Variants in EPAS1 observed in about 807,000 individuals in gnomAD.
EPAS1 encodes the protein endothelial PAS domain-containing protein 1.
EPAS1 carries 23 observed loss-of-function variants against 87.9 expected under a neutral mutation model. The observed-to-expected ratio is 0.26, with a 90% CI of 0.19 to 0.37. EPAS1 has a LOEUF of 0.37. EPAS1 is among the 10% of genes least tolerant of loss of function. The pLI, the probability that EPAS1 is intolerant of heterozygous loss-of-function variation, is 1.00. For missense variants in EPAS1, 1,138 were observed against 1,120.7 expected, an observed-to-expected ratio of 1.02 and a Z score of -0.22; for synonymous variants, 508 against 444.3, an observed-to-expected ratio of 1.14 and a Z score of -1.80.
At chr2:46,351,568 C>T (rs1040883951) in intron 2 of EPAS1, among the ~76,000 whole-genome samples, 3 of 151,946 alleles carry the variant, frequency 2.0e-5, no homozygotes, top group Non-Finnish European at 2.9e-5. Flanking sequence ...TCCGGGAGGG[C>T]GGGGTTTGAG....
chr2:46,297,934 A>G lies in EPAS1; in HGVS notation c.23A>G (p.Lys8Arg), dbSNP rs1242120796. Residue 8 changes from lysine (K) to arginine (R), a missense_variant, in exon 1 of 16, where the codon AAA becomes AGA. Physicochemically the swap from Lys to Arg is conservative, Grantham distance 26. Coordinates refer to ENST00000263734, the MANE Select transcript of EPAS1 (RefSeq NM_001430.5). MTADKEK[K>R]RSSSERRKEK... ...ACAATGACAGCTGACAAGGAGAAGA[A>G]AAGGTAAGCGGGCGTCCGGGCCGAT... The G allele has an allele frequency of 1.2e-6, 2 of 1,612,360 alleles. No homozygotes were observed. Among genetic ancestry groups the G allele is most frequent in the Non-Finnish European group, 1.7e-6 (2 of 1,179,300 alleles).
At position 46,347,511 on chromosome 2, in the gene EPAS1, C is replaced by T. The variant is rs766761705; in HGVS notation, c.217+448C>T. 5.9e-5 allele frequency: 15 copies of T among 254,216 alleles called. No homozygotes were observed. Among genetic ancestry groups the T allele is most frequent in the Non-Finnish European group, 1.0e-4 (13 of 128,352 alleles). The allele number at this position is 254,216 out of a possible 1,614,324, so 15.7% of individuals were successfully genotyped here. A position where few individuals can be genotyped will look rare whatever the true frequency, so the allele number is the denominator to read the frequency against. Reference sequence around the variant, plus strand: ...TTTTCCCTCTGAGAAGCCAGTTAGGCCAAGTAAATCATTTAGTCTCTCTGA... The same window carrying T: ...TTTTCCCTCTGAGAAGCCAGTTAGGTCAAGTAAATCATTTAGTCTCTCTGA... On this transcript the variant is annotated intron_variant, in intron 2 of 15. Transcript: ENST00000263734. The surrounding 1 kb of genome is among the most constrained non-coding windows in gnomAD (Gnocchi z 4.2).
chr2:46,335,008 C>T (rs1024534493), intron 1 of EPAS1, among the ~76,000 whole-genome samples: 2 of 152,194 alleles, frequency 1.3e-5, no homozygotes, highest in Non-Finnish European at 1.5e-5. Context: ...TAAAGGAAGC[C>T]CAGGACAGAT....
At chr2:46,329,746 C>T (rs538225872) in intron 1 of EPAS1, among the ~76,000 whole-genome samples, 18 of 151,904 alleles carry the variant, frequency 1.2e-4, no homozygotes, top group Admixed American at 5.9e-4. Flanking sequence ...CGCTTGAACC[C>T]GGGAGGCGGA....
At chr2:46,336,291 C>A (rs1024872904) in intron 1 of EPAS1, among the ~76,000 whole-genome samples, 1 of 152,122 alleles carries the variant, frequency 6.6e-6, no homozygotes, top group African/African-American at 2.4e-5. Context: ...TGTGTCTGTG[C>A]CCTTCCCCTG....
Position 46,347,099 on chromosome 2 carries a change from C to T in EPAS1, c.217+36C>T. 1.2e-6 allele frequency: 2 copies of T among 1,611,508 alleles called. No homozygotes were observed. The highest frequency in any genetic ancestry group is 8.5e-7 in the Non-Finnish European group (1 of 1,177,652). Reference sequence around the variant, plus strand: ...CAGGCTCCCCTAGGCTGGGCAGATGCCAGCCTTACCAGCATGTTCCTATAT... The same window carrying T: ...CAGGCTCCCCTAGGCTGGGCAGATGTCAGCCTTACCAGCATGTTCCTATAT... On this transcript the variant is annotated intron_variant, in intron 2 of 15. Transcript: ENST00000263734. This position sits in a 1 kb window ranked among gnomAD's most constrained non-coding sequence, Gnocchi z 4.2.
intron 2 of EPAS1, among the ~76,000 whole-genome samples, chr2:46,350,593 G>T (rs1157830351): frequency 1.3e-5 from 2 of 152,176 alleles, no homozygotes; most frequent in Non-Finnish European, 2.9e-5. Flanking sequence ...CAGGAACATC[G>T]GTGGAAATGC....
At chr2:46,381,946 C>T in intron 13 of EPAS1, 29 bp from the exon 14 acceptor site, 1 of 1,448,956 alleles carries the variant, frequency 6.9e-7, no homozygotes, top group Non-Finnish European at 9.5e-7. Context: ...TGGCCATTTC[C>T]CCTTTCCATC....
intron 1 of EPAS1, 113 bp downstream of exon 1, chr2:46,298,050 T>C (rs1357773059): frequency 7.4e-7 from 1 of 1,359,708 alleles, no homozygotes; most frequent in East Asian, 2.5e-5. Flanking sequence ...TCTTCGGAGC[T>C]CGAGGCTCGG....
At chr2:46,327,555 G>A (rs1199116296) in intron 1 of EPAS1, among the ~76,000 whole-genome samples, 1 of 152,180 alleles carries the variant, frequency 6.6e-6, no homozygotes, top group Non-Finnish European at 1.5e-5. Context: ...TTAAATTAAA[G>A]TTGAACTGCA....
At chr2:46,322,425 G>A (rs184247917) in intron 1 of EPAS1, among the ~76,000 whole-genome samples, 52 of 152,222 alleles carry the variant, frequency 3.4e-4, no homozygotes, top group African/African-American at 1.2e-3. Flanking sequence ...TTAACAACAG[G>A]GGTTCCAAAC....
At chr2:46,307,354 C>T (rs1683125777) in intron 1 of EPAS1, among the ~76,000 whole-genome samples, 2 of 152,196 alleles carry the variant, frequency 1.3e-5, no homozygotes, top group Non-Finnish European at 2.9e-5. Flanking sequence ...TGTGCTTGCA[C>T]AACAAATGTT....
rs1684894640 is a variant in EPAS1, at chr2:46,381,646, T to C, written c.2096T>C (p.Met699Thr). ...GGCCCAGACGTGCTGAGTCCGGCCA[T>C]GGTAGCCCTCTCCAACAAGCTGAAG... is the stretch of plus-strand genomic sequence containing the variant. ...ARGPDVLSPA[M>T]VALSNKLKLK... The change falls in exon 13 of 16, where the codon ATG becomes ACG. Residue 699 changes from methionine (M) to threonine (T), a missense_variant. Met to Thr is a moderately conservative substitution (Grantham distance 81, BLOSUM62 -1). Transcript: ENST00000263734. The C allele has an allele frequency of 1.2e-6, 2 of 1,613,998 alleles. No individual in the cohort carries two copies. Among genetic ancestry groups the C allele is most frequent in the Admixed American group, 3.3e-5 (2 of 60,026 alleles).
intron 1 of EPAS1, among the ~76,000 whole-genome samples, chr2:46,340,507 CTT>C (rs893166908): frequency 3.3e-5 from 5 of 152,166 alleles, no homozygotes; most frequent in African/African-American, 1.2e-4. Flanking sequence ...TGTCTTCTCT[CTT>C]CTTTGTCCCC....
intron 8 of EPAS1, 100 bp from the exon 9 acceptor site, chr2:46,376,439 T>A (rs184021888): frequency 6.8e-5 from 80 of 1,179,548 alleles, no homozygotes; most frequent in Admixed American, 1.7e-4. Flanking sequence ...CTACCCATTT[T>A]TTGTCGGAGA....
intron 4 of EPAS1, among the ~76,000 whole-genome samples, chr2:46,358,429 C>T (rs989191714): frequency 2.0e-5 from 3 of 152,216 alleles, no homozygotes; most frequent in Non-Finnish European, 4.4e-5. Flanking sequence ...TGGGTAGGTG[C>T]TTGAAGCCTG....
At chr2:46,361,266 C>T (rs914416477) in intron 6 of EPAS1, among the ~76,000 whole-genome samples, 176 bp downstream of exon 6, 8 of 152,274 alleles carry the variant, frequency 5.3e-5, no homozygotes, top group African/African-American at 1.7e-4. Flanking sequence ...GTTCCCGGTA[C>T]TGTATTTGGT....
At chr2:46,325,533 G>T (rs1194783501) in intron 1 of EPAS1, among the ~76,000 whole-genome samples, 1 of 152,162 alleles carries the variant, frequency 6.6e-6, no homozygotes, top group Non-Finnish European at 1.5e-5. Context: ...GTTCAACTGA[G>T]AATCCAGGCG....
intron 1 of EPAS1, among the ~76,000 whole-genome samples, chr2:46,331,556 A>G (rs1483549953): frequency 6.6e-6 from 1 of 152,234 alleles, no homozygotes; most frequent in Non-Finnish European, 1.5e-5. Context: ...CACCATGGGA[A>G]AAGAACAGAT....
Sources: allele counts gnomAD v4.1 joint callset (sites outside exome capture counted in the v4.1 genomes callset), GRCh38; gene constraint gnomAD v4.1.1; non-coding constraint Gnocchi (gnomAD v3.1); transcripts MANE v1.5; gene names NCBI Gene and HGNC (gene_info 2026-07-23, HGNC 2026-07-21).